The following CSTF3 variants were observed in gnomAD, a reference collection of about 807,000 sequenced individuals.
The protein encoded by CSTF3 is CF-1 77 kDa subunit.
Under a neutral mutation model 105.8 loss-of-function variants are expected in CSTF3, and 29 were observed. That is an observed-to-expected ratio of 0.27 (90% confidence interval 0.20 to 0.37). CSTF3 has a LOEUF of 0.37. CSTF3 is among the 10% of genes least tolerant of loss of function. The pLI, the probability that CSTF3 is intolerant of heterozygous loss-of-function variation, is 1.00. For missense variants in CSTF3, 357 were observed against 879.3 expected (o/e 0.41, Z 7.51); for synonymous variants, 252 against 281.9 (o/e 0.89, Z 1.06).
intron 3 of CSTF3, among the ~76,000 whole-genome samples, chr11:33,118,361 C>A (rs548849502): frequency 6.6e-6 from 1 of 152,030 alleles, no homozygotes; most frequent in East Asian, 1.9e-4. Flanking sequence ...CTATCAACAA[C>A]CATCACTTAA....
At chr11:33,138,641 C>T (rs1382424837) in intron 3 of CSTF3, among the ~76,000 whole-genome samples, 1 of 151,768 alleles carries the variant, frequency 6.6e-6, no homozygotes, top group Non-Finnish European at 1.5e-5. Flanking sequence ...CACAAAAGTA[C>T]TTTCATATCA....
At chr11:33,151,507 G>A (rs766120655) in intron 1 of CSTF3, among the ~76,000 whole-genome samples, 5 of 151,938 alleles carry the variant, frequency 3.3e-5, no homozygotes, top group Admixed American at 1.3e-4. Flanking sequence ...TTCAGTTAGC[G>A]TGTTTTCAAA....
chr11:33,143,908 T>A (rs1855745585), intron 1 of CSTF3, among the ~76,000 whole-genome samples: 1 of 151,946 alleles, frequency 6.6e-6, no homozygotes, highest in East Asian at 1.9e-4. Context: ...GAGAATGGCG[T>A]GAACCCAGGA....
chr11:33,123,586 A>G (rs1348506330), intron 3 of CSTF3, among the ~76,000 whole-genome samples: 1 of 152,166 alleles, frequency 6.6e-6, no homozygotes, highest in Admixed American at 6.5e-5. Flanking sequence ...GTAATAATAT[A>G]TAAGACAGGG....
At chr11:33,157,286 C>T (rs973443639) in intron 1 of CSTF3, among the ~76,000 whole-genome samples, 10 of 151,768 alleles carry the variant, frequency 6.6e-5, no homozygotes, top group African/African-American at 1.7e-4. Context: ...ACCTGGGAGG[C>T]GGAGGTTGCA....
intron 15 of CSTF3, among the ~76,000 whole-genome samples, chr11:33,094,972 C>T (rs1855203797): frequency 6.6e-6 from 1 of 152,186 alleles, no homozygotes; most frequent in Admixed American, 6.5e-5. Context: ...AATCTCGGCT[C>T]ACCGCAGCCT....
chr11:33,117,387 G>C lies in CSTF3; in HGVS notation c.226-8969C>G, dbSNP rs1314264098. ...AGGATCTGGCAATAAGAAACTCATTGCTTATTACACACTTAAAAGTTGAAG... is the reference window on the plus strand; with the variant it reads ...AGGATCTGGCAATAAGAAACTCATTCCTTATTACACACTTAAAAGTTGAAG... On this transcript the variant is annotated intron_variant, in intron 3 of 20. Coordinates refer to ENST00000323959, the MANE Select transcript of CSTF3 (RefSeq NM_001326.3). Among the ~76,000 whole-genome samples the C allele has an allele frequency of 2.0e-5, 3 of 151,956 alleles. No individual in the cohort carries two copies. The East Asian group carries it at 5.8e-4, about 29-fold the overall frequency.
chr11:33,127,363 T>C (rs550198275), intron 3 of CSTF3, among the ~76,000 whole-genome samples: 1 of 152,166 alleles, frequency 6.6e-6, no homozygotes, highest in Non-Finnish European at 1.5e-5. Context: ...ATTCATCAAT[T>C]TAAAAAATTG....
At chr11:33,096,016 A>G (rs1855219967) in intron 15 of CSTF3, among the ~76,000 whole-genome samples, 1 of 152,166 alleles carries the variant, frequency 6.6e-6, no homozygotes, top group Admixed American at 6.5e-5. Flanking sequence ...GCCCAGAGTC[A>G]TCAGAGATGA....
intron 17 of CSTF3, 125 bp from the exon 18 acceptor site, chr11:33,087,266 A>G: frequency 2.1e-6 from 2 of 937,368 alleles, no homozygotes; most frequent in South Asian, 1.6e-5. Flanking sequence ...ATGGAGACGG[A>G]TAAGCAAGGA....
chr11:33,137,190 A>T (rs1007889271), intron 3 of CSTF3, among the ~76,000 whole-genome samples: 2 of 151,890 alleles, frequency 1.3e-5, no homozygotes, highest in Non-Finnish European at 1.5e-5. Flanking sequence ...GTTTTGCTTT[A>T]TAAAGCTGAG....
chr11:33,086,796 C>T (rs1016269524), intron 18 of CSTF3, among the ~76,000 whole-genome samples, 192 bp downstream of exon 18: 1 of 152,152 alleles, frequency 6.6e-6, no homozygotes, highest in African/African-American at 2.4e-5. Flanking sequence ...GAATCTGGAT[C>T]ATTGAAGTTT....
In CSTF3 at chr11:33,099,555, G is replaced by A; in HGVS notation, c.936+53C>T. The A allele has an allele frequency of 2.7e-6, 3 of 1,130,358 alleles. No homozygotes were observed. Among genetic ancestry groups the A allele is most frequent in the Non-Finnish European group, 3.9e-6 (3 of 773,432 alleles). 70.0% of individuals were successfully genotyped at this position (1,130,358 alleles called of 1,614,324 possible). A position where few individuals can be genotyped will look rare whatever the true frequency, so the allele number is the denominator to read the frequency against. ...CAGTTATATTTTTCAGTAAATAATT[G>A]CTATATCAAAACCACAAAAATATCA... On this transcript the variant is annotated intron_variant, in intron 11 of 20. Coordinates refer to ENST00000323959, the MANE Select transcript of CSTF3 (RefSeq NM_001326.3). This position sits in a 1 kb window ranked among gnomAD's most constrained non-coding sequence, Gnocchi z 4.1.
intron 3 of CSTF3, among the ~76,000 whole-genome samples, chr11:33,133,856 G>A (rs1317672480): frequency 6.6e-6 from 1 of 152,164 alleles, no homozygotes. Flanking sequence ...AGGAGACTAA[G>A]AGGAATGACA....
chr11:33,140,958 T>G (rs1228058038), intron 3 of CSTF3: 1 of 152,046 alleles, frequency 6.6e-6, no homozygotes, highest in Non-Finnish European at 1.5e-5. Flanking sequence ...ATTCCAGTCT[T>G]CAAAAATTAA....
At chr11:33,141,553 G>T in intron 3 of CSTF3, 114 bp downstream of exon 3, 3 of 1,410,920 alleles carry the variant, frequency 2.1e-6, no homozygotes, top group East Asian at 2.7e-5. Context: ...CAAAATAAAG[G>T]TAAGACACAT....
chr11:33,157,866 TTTC>T (rs1849886411), intron 1 of CSTF3, among the ~76,000 whole-genome samples: 1 of 152,226 alleles, frequency 6.6e-6, no homozygotes, highest in African/African-American at 2.4e-5. Flanking sequence ...TTTTAATTTT[TTTC>T]TTATTATTCT....
intron 1 of CSTF3, among the ~76,000 whole-genome samples, chr11:33,144,603 C>T (rs966120015): frequency 6.6e-6 from 1 of 152,196 alleles, no homozygotes; most frequent in Admixed American, 6.5e-5. Flanking sequence ...TGAATTCCTA[C>T]TTTACTCTTT....
intron 3 of CSTF3, among the ~76,000 whole-genome samples, chr11:33,132,743 G>C (rs1368228054): frequency 6.6e-6 from 1 of 152,132 alleles, no homozygotes; most frequent in Non-Finnish European, 1.5e-5. Context: ...GCTAACAACT[G>C]AAAACTTTTA....
Sources: allele counts gnomAD v4.1 joint callset (sites outside exome capture counted in the v4.1 genomes callset), GRCh38; gene constraint gnomAD v4.1.1; non-coding constraint Gnocchi (gnomAD v3.1); transcripts MANE v1.5; gene names NCBI Gene and HGNC (gene_info 2026-07-23, HGNC 2026-07-21).